Variants in CNOT1 observed in about 807,000 individuals in gnomAD.
CNOT1 encodes CCR4-NOT transcription complex subunit 1, also known as CCR4-associated factor 1.
A neutral mutation model predicts 273.8 loss-of-function variants in CNOT1; 15 were observed. The observed-to-expected ratio is 0.05, with a 90% CI of 0.04 to 0.08. The LOEUF is 0.08. Among genes scored for constraint, CNOT1 ranks in the 10% least tolerant of loss-of-function variants. CNOT1 has a pLI of 1.00. For synonymous variants in CNOT1, 1,022 were observed against 1,005.5 expected, an observed-to-expected ratio of 1.02 and a Z score of -0.31; for missense variants, 1,644 against 2,912.2, an observed-to-expected ratio of 0.56 and a Z score of 10.02.
chr16:58,595,604 A>G (rs1271777272), intron 2 of CNOT1, among the ~76,000 whole-genome samples: 1 of 152,114 alleles, frequency 6.6e-6, no homozygotes, highest in Non-Finnish European at 1.5e-5. Flanking sequence ...TGGGGACTTT[A>G]TTTTGGGGAG....
chr16:58,595,415 C>A (rs1597549103), intron 2 of CNOT1, among the ~76,000 whole-genome samples: 3 of 65,080 alleles, frequency 4.6e-5, no homozygotes, highest in African/African-American at 6.7e-5. Context: ...ACTATTTTTC[C>A]ATCTCAAAAA....
rs1597453096 is a variant in CNOT1 at position 58,556,969 on chromosome 16, A to G, written c.2357T>C (p.Leu786Pro). ...LPVGGLGTGS[L>P]TGIGTGALGL... is the part of the protein sequence containing the mutation. The stretch of plus-strand genomic sequence containing the variant: ...AAGAGCACCAGTTCCTATACCAGTC[A>G]GGCTGCCTGTGCCAAGACCACCTAC... The change falls in exon 19 of 49, where the codon CTG becomes CCG. Residue 786 changes from leucine to proline, a missense_variant. Leu to Pro is a moderately conservative substitution (Grantham distance 98). This residue lies in a region of CNOT1 where 706 missense variants were observed against 1,021.2 expected (regional missense o/e 0.69). Coordinates refer to ENST00000317147, the MANE Select transcript of CNOT1 (RefSeq NM_016284.5). The G allele has an allele frequency of 6.2e-7, 1 of 1,614,098 alleles. No homozygotes were observed. The highest frequency in any genetic ancestry group is 2.2e-5 in the East Asian group (1 of 44,870).
chr16:58,573,058 G>A (rs940890959), intron 16 of CNOT1, among the ~76,000 whole-genome samples: 1 of 151,946 alleles, frequency 6.6e-6, no homozygotes, highest in Non-Finnish European at 1.5e-5. Context: ...TGTAAGCCCA[G>A]CACTTTGGGA....
intron 16 of CNOT1, among the ~76,000 whole-genome samples, chr16:58,561,346 T>G (rs1436012259): frequency 2.6e-5 from 4 of 152,148 alleles, no homozygotes; most frequent in Non-Finnish European, 5.9e-5. Context: ...ATATTAAAAT[T>G]TTCCAGAAAA....
intron 1 of CNOT1, among the ~76,000 whole-genome samples, chr16:58,629,275 G>C (rs1231451539): frequency 6.6e-6 from 1 of 152,204 alleles, no homozygotes; most frequent in Non-Finnish European, 1.5e-5. Context: ...CCCCCCGCCA[G>C]AAGCCCTAGG....
chr16:58,554,935 C>CAAAAGAAAAAAAAAAAA (rs774456750), intron 21 of CNOT1, among the ~76,000 whole-genome samples: 1 of 78,910 alleles, frequency 1.3e-5, no homozygotes, highest in African/African-American at 5.0e-5. Flanking sequence ...GACTCCATCT[C>CAAAAGAAAAAAAAAAAA]AAAAAAAAAA....
rs751164579 is a variant in CNOT1 at position 58,574,592 on chromosome 16, A to G, written c.1979+17T>C. 3.2e-6 allele frequency: 5 copies of G among 1,555,566 alleles called. No individual in the cohort carries two copies. The highest frequency in any genetic ancestry group is 1.4e-5 in the African/African-American group (1 of 71,662). ...ATCCAATTCAAAAAAAGTCATATTCATGTATGTACTTCTTACCCTGCACAA... is the reference window on the plus strand; with the variant it reads ...ATCCAATTCAAAAAAAGTCATATTCGTGTATGTACTTCTTACCCTGCACAA... On this transcript the variant is annotated intron_variant, in intron 16 of 48. Coordinates refer to ENST00000317147, the MANE Select transcript of CNOT1 (RefSeq NM_016284.5).
intron 2 of CNOT1, among the ~76,000 whole-genome samples, chr16:58,596,883 G>A (rs1332079884): frequency 2.0e-4 from 15 of 75,368 alleles, no homozygotes; most frequent in Admixed American, 7.2e-4. Flanking sequence ...GTGAGACTCC[G>A]TCTCAAAAAA....
At chr16:58,574,171 G>A (rs1481773501) in intron 16 of CNOT1, among the ~76,000 whole-genome samples, 1 of 151,958 alleles carries the variant, frequency 6.6e-6, no homozygotes, top group Non-Finnish European at 1.5e-5. Context: ...CAGGTACTTG[G>A]GAGGTTGAGG....
intron 22 of CNOT1, 22 bp from the exon 23 acceptor site, chr16:58,551,841 A>C (rs779883646): frequency 1.2e-6 from 2 of 1,611,722 alleles, no homozygotes; most frequent in African/African-American, 2.7e-5. Flanking sequence ...GGGAGAGGAA[A>C]AAGAGTTAAC....
intron 43 of CNOT1, 61 bp downstream of exon 43, chr16:58,530,185 C>T: frequency 7.3e-7 from 1 of 1,366,564 alleles, no homozygotes; most frequent in Non-Finnish European, 1.0e-6. Flanking sequence ...CCTCAGATTC[C>T]TAAAGTGTAT....
In CNOT1 at chr16:58,562,901, C is replaced by T. The variant is rs2040909988; in HGVS notation, c.1980-2539G>A. Among the ~76,000 whole-genome samples, 12 of 152,270 alleles carry T rather than the reference C, an allele frequency of 7.9e-5. 1 individual carries two copies. The South Asian group carries it at 2.3e-3, about 29-fold the overall frequency. On this transcript the variant is annotated intron_variant, in intron 16 of 48. Coordinates refer to ENST00000317147, the MANE Select transcript of CNOT1 (RefSeq NM_016284.5). ...CCCACCTAAATTCAGAATGTTACTA[C>T]TGGCATTAAGAAGTAAAAGTCATCA...
At chr16:58,573,046 C>A (rs1287008916) in intron 16 of CNOT1, among the ~76,000 whole-genome samples, 1 of 151,734 alleles carries the variant, frequency 6.6e-6, no homozygotes, top group Admixed American at 6.6e-5. Flanking sequence ...GTGGTTCACA[C>A]ATGTAAGCCC....
chr16:58,556,995 T>C lies in CNOT1; in HGVS notation c.2333-2A>G, dbSNP rs776242546. 1.2e-6 allele frequency: 2 copies of C among 1,612,926 alleles called. No individual in the cohort carries two copies. The highest frequency in any genetic ancestry group is 2.2e-5 in the South Asian group (2 of 90,872). ...GGCTGCCTGTGCCAAGACCACCTAC[T>C]AGAGAGAACGAAGGCAGCCACAAAT... On this transcript the variant is annotated splice_acceptor_variant, in intron 18 of 48. Coordinates refer to ENST00000317147, the MANE Select transcript of CNOT1 (RefSeq NM_016284.5). LOFTEE classifies it high-confidence loss of function.
At chr16:58,552,015 TGA>T (rs2040466248) in intron 22 of CNOT1, among the ~76,000 whole-genome samples, 196 bp from the exon 23 acceptor site, 1 of 152,302 alleles carries the variant, frequency 6.6e-6, no homozygotes, top group Admixed American at 6.5e-5. Flanking sequence ...TTAGTATTTA[TGA>T]GAGAACTACA....
chr16:58,604,523 TGTAATCCCAGCACTTTGG>T (rs1397144044), intron 1 of CNOT1, among the ~76,000 whole-genome samples: 1 of 151,566 alleles, frequency 6.6e-6, no homozygotes, highest in African/African-American at 2.4e-5. Flanking sequence ...GGCTCATGCC[TGTAATCCCAGCACTTTGG>T]GAGGCCAAGG....
intron 16 of CNOT1, among the ~76,000 whole-genome samples, chr16:58,566,711 G>A (rs2041055396): frequency 6.6e-6 from 1 of 152,176 alleles, no homozygotes; most frequent in African/African-American, 2.4e-5. Context: ...TTGTTGCCCA[G>A]ACAGAGTGCA....
intron 16 of CNOT1, among the ~76,000 whole-genome samples, chr16:58,566,321 C>T (rs8044451): frequency 0.34 from 51,707 of 152,108 alleles, 10,155 homozygotes; most frequent in Non-Finnish European, 0.45. Context: ...CCTTCTCTGG[C>T]ATTTATTATC....
intron 18 of CNOT1, among the ~76,000 whole-genome samples, chr16:58,558,117 A>G (rs566517623): frequency 6.6e-6 from 1 of 152,240 alleles, no homozygotes; most frequent in East Asian, 1.9e-4. Flanking sequence ...TAGGTACAAT[A>G]GTTTCTACCT....
Sources: gnomAD v4.1 joint callset for allele counts (sites outside exome capture counted in the v4.1 genomes callset) on GRCh38, gnomAD v4.1.1 for gene constraint, gnomAD v4.1.1 regional missense constraint, MANE v1.5 for transcripts, NCBI Gene and HGNC (gene_info 2026-07-23, HGNC 2026-07-21) for gene names.